The following PECR variants were observed in gnomAD, a reference collection of about 807,000 sequenced individuals.
PECR encodes the protein peroxisomal trans-2-enoyl-CoA reductase, also known as 2,4-dienoyl-CoA reductase-related protein.
PECR carries 30 observed loss-of-function variants against 35.3 expected under a neutral mutation model. The ratio of observed to expected loss-of-function variants is 0.85; its 90% CI spans 0.64 to 1.15. The LOEUF (loss-of-function observed/expected upper bound fraction) is 1.15, where lower values mean the gene tolerates loss of function less well. PECR is among the 50% of genes most tolerant of loss of function. PECR has a pLI of 0.00. For missense variants in PECR, 392 were observed against 370.8 expected, an observed-to-expected ratio of 1.06 and a Z score of -0.47; for synonymous variants, 148 against 138.9, an observed-to-expected ratio of 1.07 and a Z score of -0.46.
At chr2:216,043,454 CA>C in intron 7 of PECR, among the ~76,000 whole-genome samples, 1 of 152,204 alleles carries the variant, frequency 6.6e-6, no homozygotes, top group Admixed American at 6.5e-5. Flanking sequence ...ACAGAAATTT[CA>C]TATGCCTTCA....
At chr2:216,041,517 G>A (rs564062063) in intron 7 of PECR, among the ~76,000 whole-genome samples, 1 of 152,298 alleles carries the variant, frequency 6.6e-6, no homozygotes, top group African/African-American at 2.4e-5. Context: ...TCTATACTGT[G>A]ATATTGTGAA....
At chr2:216,030,770 C>T (rs1047600235) in intron 7 of PECR, among the ~76,000 whole-genome samples, 1 of 148,910 alleles carries the variant, frequency 6.7e-6, no homozygotes, top group Admixed American at 6.8e-5. Context: ...ACCATGTTGG[C>T]CAGGCTGGTC....
intron 7 of PECR, among the ~76,000 whole-genome samples, chr2:216,043,283 T>C (rs900641028): frequency 2.0e-5 from 3 of 150,682 alleles, no homozygotes; most frequent in Non-Finnish European, 3.0e-5. Context: ...AATTTTTTTG[T>C]ATTTTTAGTA....
intron 7 of PECR, among the ~76,000 whole-genome samples, 174 bp from the exon 8 acceptor site, chr2:216,039,534 C>G (rs892922439): frequency 6.6e-6 from 1 of 152,228 alleles, no homozygotes; most frequent in East Asian, 1.9e-4. Flanking sequence ...GTCTGCCACA[C>G]GTTAGCTTTC....
chr2:216,048,929 G>A (rs149934030), intron 6 of PECR, among the ~76,000 whole-genome samples: 3 of 149,686 alleles, frequency 2.0e-5, no homozygotes, highest in Admixed American at 1.3e-4. Flanking sequence ...GAAATCTCAT[G>A]TGGAACTTCA....
At chr2:216,031,728 T>A (rs1417416332) in intron 7 of PECR, among the ~76,000 whole-genome samples, 2 of 133,098 alleles carry the variant, frequency 1.5e-5, no homozygotes, top group South Asian at 2.4e-4. Flanking sequence ...ATGAAAAGAA[T>A]TGGATAAAAG....
Position 216,039,195 on chromosome 2 carries a change from TA to T in PECR, c.*79del. On this transcript the variant is annotated 3_prime_UTR_variant, in exon 8 of 8. Transcript: ENST00000265322. ...TAAGAAAAATGTTTTCCATACCAAC[TA>T]TAAGCTTTTAAAAAGTACAGAAGCA... is the stretch of plus-strand genomic sequence containing the variant. 1.2e-6 allele frequency: 1 copy of T among 820,494 alleles called. No individual in the cohort carries two copies. The highest frequency in any genetic ancestry group is 2.2e-6 in the Non-Finnish European group (1 of 458,464). The allele number at this position is 820,494 out of a possible 1,614,324, so 50.8% of individuals were successfully genotyped here.
chr2:216,051,071 A>T (rs1695104594), intron 5 of PECR, among the ~76,000 whole-genome samples: 1 of 151,726 alleles, frequency 6.6e-6, no homozygotes. Context: ...AGATCTCCTG[A>T]GCTCAGGAGT....
At chr2:216,060,103 C>G (rs575233844) in intron 3 of PECR, among the ~76,000 whole-genome samples, 44 of 152,260 alleles carry the variant, frequency 2.9e-4, no homozygotes, top group African/African-American at 1.0e-3. Context: ...AAGTCTTACA[C>G]TTTTTTGTTA....
chr2:216,062,637 A>T (rs1053413723), intron 3 of PECR, among the ~76,000 whole-genome samples: 2 of 152,220 alleles, frequency 1.3e-5, no homozygotes, highest in Admixed American at 6.5e-5. Flanking sequence ...TAAGTAATAT[A>T]TGGTCATATT....
At chr2:216,080,582 CT>C (rs995702413) in intron 1 of PECR, among the ~76,000 whole-genome samples, 21 of 152,256 alleles carry the variant, frequency 1.4e-4, no homozygotes, top group Admixed American at 1.4e-3. Context: ...GTTTTTGGAT[CT>C]TTTTTTCCAA....
At chr2:216,080,745 A>C (rs905511001) in intron 1 of PECR, among the ~76,000 whole-genome samples, 1 of 152,140 alleles carries the variant, frequency 6.6e-6, no homozygotes, top group African/African-American at 2.4e-5. Flanking sequence ...TTATTTTTTC[A>C]TATGTTTCTT....
intron 1 of PECR, among the ~76,000 whole-genome samples, chr2:216,078,716 C>T (rs1047090889): frequency 2.0e-5 from 3 of 152,044 alleles, no homozygotes; most frequent in African/African-American, 7.3e-5. Context: ...GACACGCCAC[C>T]ACTTTCATCA....
chr2:216,041,015 G>T (rs963685953), intron 7 of PECR, among the ~76,000 whole-genome samples: 2 of 152,090 alleles, frequency 1.3e-5, no homozygotes, highest in African/African-American at 2.4e-5. Flanking sequence ...GGCTAATAAG[G>T]GTAGAGCCAA....
chr2:216,031,471 GAA>G (rs1273029921), intron 7 of PECR, among the ~76,000 whole-genome samples: 145 of 118,236 alleles, frequency 1.2e-3, no homozygotes, highest in African/African-American at 3.9e-3. Flanking sequence ...AAGAAAGAAA[GAA>G]AGAGAAAGAA....
intron 6 of PECR, among the ~76,000 whole-genome samples, chr2:216,045,372 A>C (rs547732051): frequency 6.6e-6 from 1 of 152,224 alleles, no homozygotes; most frequent in Admixed American, 6.5e-5. Context: ...TAGAACACAC[A>C]CTGGATTTTG....
At chr2:216,032,472 G>A (rs1694724579) in intron 7 of PECR, among the ~76,000 whole-genome samples, 1 of 152,238 alleles carries the variant, frequency 6.6e-6, no homozygotes. Context: ...GCTTATGCTA[G>A]AGCTGACTAA....
rs778316463 is a variant in PECR, at chr2:216,049,386, A to C, written c.604-13T>G. ...AATAAATAACTCCCTGTGTTTAAAA[A>C]TAAAACAGGGACAAAATAAAGTGTA... On this transcript the variant is annotated splice_polypyrimidine_tract_variant and intron_variant, in intron 5 of 7. Transcript: ENST00000265322. 21 of 1,079,874 alleles carry C rather than the reference A, an allele frequency of 1.9e-5. No homozygotes were observed. The African/African-American group carries it at 2.5e-4, about 13-fold the overall frequency. The allele number at this position is 1,079,874 out of a possible 1,614,324, so 66.9% of individuals were successfully genotyped here. A position where few individuals can be genotyped will look rare whatever the true frequency, so the allele number is the denominator to read the frequency against.
chr2:216,077,085 G>C (rs1695718440), intron 1 of PECR, among the ~76,000 whole-genome samples: 1 of 151,830 alleles, frequency 6.6e-6, no homozygotes, highest in African/African-American at 2.4e-5. Flanking sequence ...TTTTAGTAGA[G>C]ATGGGGTTTC....
Sources: allele counts gnomAD v4.1 joint callset (sites outside exome capture counted in the v4.1 genomes callset), GRCh38; gene constraint gnomAD v4.1.1; transcripts MANE v1.5; gene names NCBI Gene and HGNC (gene_info 2026-07-23, HGNC 2026-07-21).